Variants in SMYD3 observed in about 807,000 individuals in gnomAD.
SMYD3 encodes SET and MYND domain containing 3.
SMYD3 carries 36 observed loss-of-function variants against 57.7 expected under a neutral mutation model. That is an observed-to-expected ratio of 0.62 (90% CI 0.48 to 0.82). SMYD3 has a LOEUF of 0.82. Ranked by LOEUF, SMYD3 falls within the 40% of genes least tolerant of loss-of-function variation. The pLI, the probability that SMYD3 is intolerant of heterozygous loss-of-function variation, is 0.00. For missense variants in SMYD3, 515 were observed against 538.8 expected, an observed-to-expected ratio of 0.96 and a Z score of 0.44; for synonymous variants, 211 against 195.0, an observed-to-expected ratio of 1.08 and a Z score of -0.68.
At chr1:246,404,296 G>A (rs1279185686) in intron 1 of SMYD3, among the ~76,000 whole-genome samples, 2 of 152,176 alleles carry the variant, frequency 1.3e-5, no homozygotes, top group African/African-American at 4.8e-5. Flanking sequence ...CAGACTGAAG[G>A]GAACACATTT....
intron 5 of SMYD3, among the ~76,000 whole-genome samples, chr1:246,110,709 T>A (rs920417404): frequency 1.3e-5 from 2 of 152,212 alleles, no homozygotes; most frequent in Non-Finnish European, 2.9e-5. Context: ...AAGAGCCAAG[T>A]GATGGCCCTC....
chr1:246,155,642 A>G (rs2062010283), intron 5 of SMYD3, among the ~76,000 whole-genome samples: 1 of 151,912 alleles, frequency 6.6e-6, no homozygotes, highest in African/African-American at 2.4e-5. Flanking sequence ...TACAGAAGTG[A>G]AGATCTGCTT....
chr1:245,817,131 A>C (rs2048867165), intron 10 of SMYD3, among the ~76,000 whole-genome samples: 1 of 151,246 alleles, frequency 6.6e-6, no homozygotes, highest in Middle Eastern at 3.4e-3. Context: ...TAACCTCTGC[A>C]GACTTAAGTG....
chr1:246,440,209 G>A (rs568841728), intron 1 of SMYD3, among the ~76,000 whole-genome samples: 2 of 152,148 alleles, frequency 1.3e-5, no homozygotes, highest in Admixed American at 1.3e-4. Context: ...AAAATATATA[G>A]ATAGAGAAAA....
At chr1:245,859,589 G>A (rs1321837044) in intron 9 of SMYD3, among the ~76,000 whole-genome samples, 1 of 152,202 alleles carries the variant, frequency 6.6e-6, no homozygotes, top group Non-Finnish European at 1.5e-5. Context: ...GAAACACAGC[G>A]AAGGCCAGAG....
intron 9 of SMYD3, 49 bp from the exon 10 acceptor site, chr1:245,858,719 C>T (rs373728156): frequency 6.6e-5 from 103 of 1,571,760 alleles, no homozygotes; most frequent in Admixed American, 1.8e-4. Flanking sequence ...AAGAAAAAAA[C>T]AAACAAAATT....
chr1:246,294,226 C>T (rs958470012), intron 5 of SMYD3, among the ~76,000 whole-genome samples: 1 of 152,092 alleles, frequency 6.6e-6, no homozygotes, highest in Non-Finnish European at 1.5e-5. Context: ...TTCTAAATAC[C>T]GGCGTCCCCA....
Position 246,502,537 on chromosome 1 carries a change from G to A in SMYD3, c.164+4517C>T, listed in dbSNP as rs149676118. ...AATATCTACTCTAATAAATATCCAG[G>A]AAATTTAAAACTTGTCAAACAATAT... On this transcript the variant is annotated intron_variant, in intron 1 of 11. Coordinates refer to ENST00000490107, the MANE Select transcript of SMYD3 (RefSeq NM_001167740.2). 8.5e-3 allele frequency among the ~76,000 whole-genome samples: 1,293 copies of A among 152,172 alleles called. 17 individuals carry two copies. Among genetic ancestry groups the A allele is most frequent in the Non-Finnish European group, 0.014 (932 of 68,020 alleles).
At chr1:246,208,917 C>T (rs1423919920) in intron 5 of SMYD3, among the ~76,000 whole-genome samples, 1 of 152,078 alleles carries the variant, frequency 6.6e-6, no homozygotes, top group Non-Finnish European at 1.5e-5. Flanking sequence ...ATCTTTACTA[C>T]TGGATTCAGC....
chr1:246,106,298 A>G (rs2061119005), intron 5 of SMYD3, among the ~76,000 whole-genome samples: 1 of 152,222 alleles, frequency 6.6e-6, no homozygotes, highest in South Asian at 2.1e-4. Context: ...TGAGGTTATA[A>G]GCATACAACA....
At chr1:246,479,484 C>T (rs1163526199) in intron 1 of SMYD3, among the ~76,000 whole-genome samples, 5 of 147,826 alleles carry the variant, frequency 3.4e-5, no homozygotes, top group African/African-American at 1.2e-4. Flanking sequence ...ATGTGTTTGG[C>T]ATGTGTCAAA....
intron 5 of SMYD3, among the ~76,000 whole-genome samples, chr1:246,050,655 A>C (rs570696993): frequency 6.6e-6 from 1 of 152,302 alleles, no homozygotes; most frequent in South Asian, 2.1e-4. Flanking sequence ...GCAGGTTAGA[A>C]CTAAAATGGT....
intron 10 of SMYD3, among the ~76,000 whole-genome samples, chr1:245,841,051 G>T (rs1268921851): frequency 6.6e-6 from 1 of 152,188 alleles, no homozygotes; most frequent in Non-Finnish European, 1.5e-5. Context: ...CCCTTTTACA[G>T]ATTCAAAACA....
At position 246,448,012 on chromosome 1, in the gene SMYD3, T is replaced by A. The variant is rs1208588709; in HGVS notation, c.164+59042A>T. Among the ~76,000 whole-genome samples the A allele has an allele frequency of 7.9e-5, 12 of 152,240 alleles. 1 individual carries two copies. The highest frequency in any genetic ancestry group is 1.8e-4 in the Non-Finnish European group (12 of 68,036). On this transcript the variant is annotated intron_variant, in intron 1 of 11. Transcript: ENST00000490107. ...ATTTGAAAATAAGTTGCATACATTT[T>A]AACTCATCCCTAAGACCTTTGGCAT...
At position 246,139,361 on chromosome 1, in the gene SMYD3, C is replaced by G. The variant is rs141284782; in HGVS notation, c.531+187840G>C. 3.3e-3 allele frequency among the ~76,000 whole-genome samples: 497 copies of G among 152,310 alleles called. 3 individuals are homozygous for G. Among genetic ancestry groups the G allele is most frequent in the Non-Finnish European group, 5.5e-3 (371 of 68,026 alleles). On this transcript the variant is annotated intron_variant, in intron 5 of 11. Coordinates refer to ENST00000490107, the MANE Select transcript of SMYD3 (RefSeq NM_001167740.2). ...AAAACAGAACTTGGTTGACTTCATT[C>G]TACCTAAAACATTCCTAATCCAATC...
At chr1:245,987,536 C>T (rs929192324) in intron 5 of SMYD3, among the ~76,000 whole-genome samples, 1 of 152,366 alleles carries the variant, frequency 6.6e-6, no homozygotes, top group Admixed American at 6.5e-5. Context: ...TCCACTGAAA[C>T]TTTTCCATGT....
At chr1:246,360,619 G>T (rs2065973119) in intron 1 of SMYD3, among the ~76,000 whole-genome samples, 1 of 152,020 alleles carries the variant, frequency 6.6e-6, no homozygotes, top group African/African-American at 2.4e-5. Context: ...CAATGAAACA[G>T]AATAGACAAC....
intron 1 of SMYD3, among the ~76,000 whole-genome samples, chr1:246,422,669 G>C (rs761120308): frequency 5.1e-4 from 77 of 152,080 alleles, no homozygotes; most frequent in Non-Finnish European, 8.7e-4. Flanking sequence ...TGATCCACCC[G>C]CCTGAGCCTC....
intron 5 of SMYD3, among the ~76,000 whole-genome samples, chr1:246,107,273 C>G (rs988390714): frequency 1.3e-5 from 2 of 149,408 alleles, no homozygotes; most frequent in Admixed American, 6.7e-5. Flanking sequence ...GGTGACAGAG[C>G]AAGATTCCAT....
Sources: gnomAD v4.1 joint callset for allele counts (sites outside exome capture counted in the v4.1 genomes callset) on GRCh38, gnomAD v4.1.1 for gene constraint, MANE v1.5 for transcripts, NCBI Gene and HGNC (gene_info 2026-07-23, HGNC 2026-07-21) for gene names.